Variants in CCDC178 observed in about 807,000 individuals in gnomAD.
CCDC178 encodes coiled-coil domain-containing protein 178.
Under a neutral mutation model 117.4 loss-of-function variants are expected in CCDC178, and 126 were observed. The observed-to-expected ratio is 1.07, with a 90% CI of 0.93 to 1.24. The LOEUF (loss-of-function observed/expected upper bound fraction) is 1.24, where lower values mean the gene tolerates loss of function less well. CCDC178 is among the 50% of genes most tolerant of loss of function. The pLI is 0.00. For synonymous variants in CCDC178, 283 were observed against 313.4 expected, an observed-to-expected ratio of 0.90 and a Z score of 1.02; for missense variants, 1,030 against 986.9, an observed-to-expected ratio of 1.04 and a Z score of -0.59.
In CCDC178 at chr18:33,052,068, C is replaced by G. The variant is rs147399722; in HGVS notation, c.2388+40693G>C. ...CTTTCAGATGAGCCTTCCACTGTCA[C>G]AGTCAATGACCAGGAACAGAATAAG... On this transcript the variant is annotated intron_variant, in intron 21 of 22. Transcript: ENST00000383096. Among the ~76,000 whole-genome samples, 368 of 152,256 alleles carry G rather than the reference C, an allele frequency of 2.4e-3. 1 individual carries two copies. Among genetic ancestry groups the G allele is most frequent in the African/African-American group, 8.5e-3 (354 of 41,560 alleles).
At chr18:33,314,200 C>CAAAA (rs869127341) in intron 11 of CCDC178, among the ~76,000 whole-genome samples, 1,824 of 62,404 alleles carry the variant, frequency 0.029, 206 homozygotes, top group South Asian at 0.053. Context: ...GACTCCGTCT[C>CAAAA]AAAAAAAAAA....
intron 21 of CCDC178, among the ~76,000 whole-genome samples, chr18:33,017,579 T>C (rs186309494): frequency 1.2e-4 from 18 of 151,994 alleles, no homozygotes; most frequent in East Asian, 9.6e-4. Flanking sequence ...TTGGGAGAAA[T>C]TGAGAAGTAT....
chr18:33,237,649 C>T (rs112291279), intron 15 of CCDC178, among the ~76,000 whole-genome samples: 2 of 152,024 alleles, frequency 1.3e-5, no homozygotes, highest in African/African-American at 4.8e-5. Flanking sequence ...CTAGCAAACA[C>T]AACTCCAGGC....
chr18:33,371,295 G>GTA lies in CCDC178; in HGVS notation c.209-1108_209-1107dup, dbSNP rs765678420. Among the ~76,000 whole-genome samples, 75 of 151,402 alleles carry GTA rather than the reference G, an allele frequency of 5.0e-4. 1 individual carries two copies. In the East Asian group the frequency reaches 6.2e-3, roughly 13 times the overall value. ...TATATGTGTGTGTGTGTATATATGT[G>GTA]TATATATATATAAATGACCTTTTTA... On this transcript the variant is annotated intron_variant, in intron 5 of 22. Transcript: ENST00000383096.
In CCDC178 at chr18:33,208,069, A is replaced by G. The variant is rs552887885; in HGVS notation, c.2238+3827T>C. ...AAATTAAAATGTTCATTCCTCAAAC[A>G]GAGATAGATTTTAACAAGTTACTTT... is the stretch of plus-strand genomic sequence containing the variant. On this transcript the variant is annotated intron_variant, in intron 20 of 22. Coordinates refer to ENST00000383096, the MANE Select transcript of CCDC178 (RefSeq NM_001105528.4). 1.2e-4 allele frequency among the ~76,000 whole-genome samples: 19 copies of G among 152,260 alleles called. No homozygotes were observed. In the South Asian group the frequency reaches 3.7e-3, roughly 30 times the overall value.
chr18:33,365,799 G>A (rs1440752092), intron 6 of CCDC178, among the ~76,000 whole-genome samples: 2 of 152,004 alleles, frequency 1.3e-5, no homozygotes, highest in African/African-American at 4.8e-5. Context: ...ACTATTTACA[G>A]TCTAGGCAGT....
At chr18:33,316,849 CTG>C (rs2062426024) in intron 11 of CCDC178, among the ~76,000 whole-genome samples, 2 of 152,098 alleles carry the variant, frequency 1.3e-5, no homozygotes, top group Non-Finnish European at 2.9e-5. Flanking sequence ...AATCAGCACT[CTG>C]TGTCTAGCTC....
chr18:33,375,714 G>A (rs1417917935), intron 5 of CCDC178, among the ~76,000 whole-genome samples: 1 of 152,166 alleles, frequency 6.6e-6, no homozygotes, highest in African/African-American at 2.4e-5. Context: ...AGATGGAAGA[G>A]ATCTGATACA....
intron 20 of CCDC178, among the ~76,000 whole-genome samples, chr18:33,163,706 G>A (rs2058493693): frequency 6.6e-6 from 1 of 152,038 alleles, no homozygotes; most frequent in South Asian, 2.1e-4. Flanking sequence ...ATATTTACTA[G>A]TCATGAAACT....
chr18:33,191,314 G>A (rs143797356), intron 20 of CCDC178, among the ~76,000 whole-genome samples: 2 of 152,120 alleles, frequency 1.3e-5, no homozygotes, highest in East Asian at 3.9e-4. Context: ...GTCACATAAT[G>A]CTTAATTCAT....
At chr18:33,281,473 T>G (rs913211728) in intron 12 of CCDC178, among the ~76,000 whole-genome samples, 2 of 152,172 alleles carry the variant, frequency 1.3e-5, no homozygotes, top group African/African-American at 4.8e-5. Flanking sequence ...AAACTTATTT[T>G]ATATTCAAGG....
intron 18 of CCDC178, among the ~76,000 whole-genome samples, chr18:33,218,214 T>A (rs1190457260): frequency 1.3e-5 from 2 of 152,068 alleles, no homozygotes; most frequent in Non-Finnish European, 2.9e-5. Context: ...GACATATTAC[T>A]AGGTTAAAAA....
intron 16 of CCDC178, among the ~76,000 whole-genome samples, chr18:33,225,990 T>G (rs1344651108): frequency 6.6e-6 from 1 of 152,012 alleles, no homozygotes; most frequent in African/African-American, 2.4e-5. Flanking sequence ...GGAGAAACCC[T>G]GTCTCTACTA....
intron 20 of CCDC178, among the ~76,000 whole-genome samples, chr18:33,127,953 A>G (rs968118827): frequency 6.6e-6 from 1 of 152,128 alleles, no homozygotes; most frequent in Admixed American, 6.5e-5. Flanking sequence ...GAGGAGGAAA[A>G]GGTACCGTCT....
chr18:33,345,735 T>A (rs1183822795), intron 9 of CCDC178, among the ~76,000 whole-genome samples: 1 of 152,170 alleles, frequency 6.6e-6, no homozygotes, highest in Middle Eastern at 3.2e-3. Context: ...GGACATCAGG[T>A]CCAGGTTTGT....
At chr18:32,939,790 A>T (rs1364796514) in intron 22 of CCDC178, among the ~76,000 whole-genome samples, 1 of 152,156 alleles carries the variant, frequency 6.6e-6, no homozygotes, top group Non-Finnish European at 1.5e-5. Context: ...GGCTTCAGAC[A>T]CCTGTCAGTA....
At chr18:32,940,346 T>G (rs2054209360) in intron 22 of CCDC178, among the ~76,000 whole-genome samples, 1 of 152,014 alleles carries the variant, frequency 6.6e-6, no homozygotes, top group African/African-American at 2.4e-5. Context: ...TCAACTTTTC[T>G]TTTTTTGCTT....
intron 21 of CCDC178, among the ~76,000 whole-genome samples, chr18:33,070,383 G>A (rs752274910): frequency 4.6e-5 from 7 of 152,010 alleles, no homozygotes; most frequent in South Asian, 4.1e-4. Flanking sequence ...GAATGAAACC[G>A]GAGGTCATTA....
intron 20 of CCDC178, among the ~76,000 whole-genome samples, chr18:33,150,412 T>A (rs962232457): frequency 6.6e-6 from 1 of 152,214 alleles, no homozygotes. Context: ...AAAAAGCTTC[T>A]GCACAGTAAA....
Sources: gnomAD v4.1 joint callset for allele counts (sites outside exome capture counted in the v4.1 genomes callset) on GRCh38, gnomAD v4.1.1 for gene constraint, MANE v1.5 for transcripts, NCBI Gene and HGNC (gene_info 2026-07-23, HGNC 2026-07-21) for gene names.